DPP10: variants seen among roughly 807,000 people sequenced by gnomAD.
DPP10 encodes the protein inactive dipeptidyl peptidase 10.
DPP10 carries 33 observed loss-of-function variants against 120.9 expected under a neutral mutation model. That is an observed-to-expected ratio of 0.27 (90% CI 0.21 to 0.37). The LOEUF (loss-of-function observed/expected upper bound fraction) is 0.37, where lower values mean the gene tolerates loss of function less well. Ranked by LOEUF, DPP10 falls within the 10% of genes least tolerant of loss-of-function variation. DPP10 has a pLI of 1.00. For missense variants in DPP10, 816 were observed against 942.8 expected, an observed-to-expected ratio of 0.87 and a Z score of 1.76; for synonymous variants, 337 against 326.1, an observed-to-expected ratio of 1.03 and a Z score of -0.36.
At chr2:114,584,342 A>G (rs1690771999) in intron 1 of DPP10, among the ~76,000 whole-genome samples, 1 of 152,190 alleles carries the variant, frequency 6.6e-6, no homozygotes, top group Admixed American at 6.5e-5. Flanking sequence ...TGCTTTGCTT[A>G]GAGTTGTTAA....
chr2:114,919,036 CAA>C (rs10559818), intron 1 of DPP10, among the ~76,000 whole-genome samples: 44,228 of 124,948 alleles, frequency 0.35, 7,788 homozygotes, highest in African/African-American at 0.53. Context: ...AAAGAGATTC[CAA>C]AAAAAAAAAA....
chr2:114,753,792 C>A (rs541306084), intron 1 of DPP10, among the ~76,000 whole-genome samples: 1 of 151,026 alleles, frequency 6.6e-6, no homozygotes, highest in South Asian at 2.1e-4. Context: ...GACTGTACTC[C>A]CAGCTGCTTC....
chr2:114,929,750 C>T (rs773035314), intron 1 of DPP10, among the ~76,000 whole-genome samples: 32 of 152,092 alleles, frequency 2.1e-4, no homozygotes, highest in Non-Finnish European at 3.7e-4. Flanking sequence ...ACATCTTCAG[C>T]TTACGAAGAT....
chr2:115,642,596 T>C (rs2149353096), intron 5 of DPP10, among the ~76,000 whole-genome samples: 1 of 152,270 alleles, frequency 6.6e-6, no homozygotes, highest in Middle Eastern at 3.4e-3. Context: ...CTTCTCTTCT[T>C]ATTTCTCTTA....
chr2:115,314,038 A>G (rs1023598629), intron 2 of DPP10, among the ~76,000 whole-genome samples: 1 of 152,222 alleles, frequency 6.6e-6, no homozygotes, highest in African/African-American at 2.4e-5. Flanking sequence ...AAAGGTATGC[A>G]TCTACTTTGC....
At chr2:114,885,496 CTG>C (rs1162132863) in intron 1 of DPP10, among the ~76,000 whole-genome samples, 1 of 152,180 alleles carries the variant, frequency 6.6e-6, no homozygotes, top group Non-Finnish European at 1.5e-5. Flanking sequence ...TGCTTTCTAA[CTG>C]TTTAACACTT....
chr2:114,662,190 G>A (rs1377644008), intron 1 of DPP10, among the ~76,000 whole-genome samples: 10 of 152,206 alleles, frequency 6.6e-5, no homozygotes, highest in Admixed American at 6.5e-4. Context: ...AGGCTCCGAG[G>A]GGGAGCGAGA....
chr2:114,487,303 G>GT (rs1681599226), intron 1 of DPP10, among the ~76,000 whole-genome samples: 1 of 152,152 alleles, frequency 6.6e-6, no homozygotes, highest in Non-Finnish European at 1.5e-5. Context: ...GAAAAAGGAA[G>GT]TATCAGGGCC....
At chr2:115,536,020 C>T (rs2078810123) in intron 5 of DPP10, among the ~76,000 whole-genome samples, 1 of 151,898 alleles carries the variant, frequency 6.6e-6, no homozygotes, top group Non-Finnish European at 1.5e-5. Context: ...TGGGCTGAGA[C>T]AATGGGGTTT....
At chr2:115,479,123 A>C (rs887061699) in intron 3 of DPP10, among the ~76,000 whole-genome samples, 2 of 152,200 alleles carry the variant, frequency 1.3e-5, no homozygotes, top group African/African-American at 2.4e-5. Flanking sequence ...TAGCAGCATT[A>C]TTCACAAAAG....
chr2:115,608,591 C>A (rs945010555), intron 5 of DPP10, among the ~76,000 whole-genome samples: 1 of 152,100 alleles, frequency 6.6e-6, no homozygotes, highest in Admixed American at 6.5e-5. Flanking sequence ...GTTCTGGTCA[C>A]TCTACAGCAA....
chr2:114,525,949 T>G (rs1251150550), intron 1 of DPP10, among the ~76,000 whole-genome samples: 1 of 152,178 alleles, frequency 6.6e-6, no homozygotes, highest in African/African-American at 2.4e-5. Context: ...AATGTCTCCC[T>G]CTATTTAGGC....
chr2:115,071,093 G>A (rs531193303), intron 1 of DPP10, among the ~76,000 whole-genome samples: 74 of 152,232 alleles, frequency 4.9e-4, no homozygotes, highest in African/African-American at 1.8e-3. Flanking sequence ...TTATGCAACT[G>A]ACTGCTTGCC....
intron 3 of DPP10, among the ~76,000 whole-genome samples, chr2:115,363,068 G>A (rs998200166): frequency 2.0e-5 from 3 of 152,292 alleles, no homozygotes; most frequent in African/African-American, 7.2e-5. Flanking sequence ...CTTGTCAACA[G>A]CATCTGAAAG....
At chr2:114,444,038 T>C (rs969582996) in intron 1 of DPP10, among the ~76,000 whole-genome samples, 1 of 152,180 alleles carries the variant, frequency 6.6e-6, no homozygotes, top group African/African-American at 2.4e-5. Context: ...CCAGGGTATA[T>C]TAAATGATGC....
intron 1 of DPP10, among the ~76,000 whole-genome samples, chr2:114,607,262 T>C (rs1286783420): frequency 1.3e-5 from 2 of 152,092 alleles, no homozygotes; most frequent in African/African-American, 4.8e-5. Flanking sequence ...GAAAGAAAGA[T>C]AAAGTGTGAT....
intron 1 of DPP10, among the ~76,000 whole-genome samples, chr2:114,729,816 A>G (rs1676715691): frequency 6.6e-6 from 1 of 152,244 alleles, no homozygotes; most frequent in Admixed American, 6.5e-5. Context: ...TCGTGGTCCT[A>G]TTTATAGCCT....
At chr2:114,565,365 C>T (rs1327138744) in intron 1 of DPP10, among the ~76,000 whole-genome samples, 2 of 152,162 alleles carry the variant, frequency 1.3e-5, no homozygotes, top group Non-Finnish European at 2.9e-5. Context: ...GGAGTAATGG[C>T]TTTGTCTTAC....
At chr2:115,398,435 G>T (rs922096235) in intron 3 of DPP10, among the ~76,000 whole-genome samples, 1 of 152,018 alleles carries the variant, frequency 6.6e-6, no homozygotes, top group Non-Finnish European at 1.5e-5. Flanking sequence ...TAAGAAAATT[G>T]CTTGAAATGA....
Sources: allele counts gnomAD v4.1 joint callset (sites outside exome capture counted in the v4.1 genomes callset), GRCh38; gene constraint gnomAD v4.1.1; transcripts MANE v1.5; gene names NCBI Gene and HGNC (gene_info 2026-07-23, HGNC 2026-07-21).